TGFB2: variants seen among roughly 807,000 people sequenced by gnomAD.
TGFB2 encodes transforming growth factor beta-2 proprotein.
In TGFB2, 13 loss-of-function variants were observed where a neutral mutation model predicts 42.7. The ratio of observed to expected loss-of-function variants is 0.30; its 90% CI spans 0.20 to 0.48. The LOEUF (loss-of-function observed/expected upper bound fraction) is 0.48. TGFB2 is among the 20% of genes least tolerant of loss of function. The probability of loss-of-function intolerance (pLI) is 0.99; values close to 1 mark genes in which losing one functional copy is unlikely to be tolerated. For synonymous variants in TGFB2, 193 were observed against 193.6 expected, an observed-to-expected ratio of 1.00 and a Z score of 0.03; for missense variants, 390 against 517.5, an observed-to-expected ratio of 0.75 and a Z score of 2.39.
chr1:218,385,357 A>G (rs1218066802), intron 1 of TGFB2, among the ~76,000 whole-genome samples: 2 of 152,202 alleles, frequency 1.3e-5, no homozygotes, highest in African/African-American at 4.8e-5. Flanking sequence ...GCATTTAACA[A>G]AAGGACGTGG....
chr1:218,379,756 T>C (rs1451889647), intron 1 of TGFB2, among the ~76,000 whole-genome samples: 1 of 152,242 alleles, frequency 6.6e-6, no homozygotes, highest in Non-Finnish European at 1.5e-5. Flanking sequence ...TTAAGTCAGC[T>C]GGCTGTGATA....
At chr1:218,376,703 CTT>C (rs897527094) in intron 1 of TGFB2, among the ~76,000 whole-genome samples, 10 of 152,302 alleles carry the variant, frequency 6.6e-5, no homozygotes, top group African/African-American at 2.4e-4. Flanking sequence ...AGTAACATTG[CTT>C]TTGCTGTTAT....
chr1:218,422,530 C>T (rs1320748890), intron 2 of TGFB2, among the ~76,000 whole-genome samples: 3 of 152,134 alleles, frequency 2.0e-5, no homozygotes. Context: ...CTTGTTCTCC[C>T]TTCTAATGAA....
At chr1:218,366,660 A>G (rs2102549374) in intron 1 of TGFB2, among the ~76,000 whole-genome samples, 1 of 152,326 alleles carries the variant, frequency 6.6e-6, no homozygotes, top group Non-Finnish European at 1.5e-5. Flanking sequence ...CTCCTGGGAC[A>G]TCCATCAGAT....
In TGFB2 at chr1:218,379,626, T is replaced by C. The variant is rs569228719; in HGVS notation, c.347-25543T>C. On this transcript the variant is annotated intron_variant, in intron 1 of 6. Transcript: ENST00000366930. ...TTTGACAGGAGGTTTTATTTAAAAG[T>C]TCTGAGGTTAAATACCTGGAAGATA... 3.9e-5 allele frequency among the ~76,000 whole-genome samples: 6 copies of C among 152,200 alleles called. No individual in the cohort carries two copies. The South Asian group carries it at 1.2e-3, about 32-fold the overall frequency.
chr1:218,390,029 C>T (rs1340150720), intron 1 of TGFB2, among the ~76,000 whole-genome samples: 1 of 152,090 alleles, frequency 6.6e-6, no homozygotes, highest in Non-Finnish European at 1.5e-5. Context: ...ATATATGTAC[C>T]ACTCCACTAT....
chr1:218,429,703 A>G (rs1402495856), intron 2 of TGFB2, among the ~76,000 whole-genome samples: 3 of 152,194 alleles, frequency 2.0e-5, no homozygotes, highest in African/African-American at 7.2e-5. Flanking sequence ...TTCCTATAGG[A>G]ACTTGTCTTT....
chr1:218,403,815 G>A (rs1658812747), intron 1 of TGFB2, among the ~76,000 whole-genome samples: 1 of 152,132 alleles, frequency 6.6e-6, no homozygotes, highest in Non-Finnish European at 1.5e-5. Flanking sequence ...TCAGATAATT[G>A]AAGAGTGGGT....
chr1:218,390,389 A>G (rs970506926), intron 1 of TGFB2, among the ~76,000 whole-genome samples: 4 of 152,086 alleles, frequency 2.6e-5, no homozygotes, highest in Admixed American at 1.3e-4. Context: ...TTCCATTCTC[A>G]AAACGACTGT....
At chr1:218,390,407 A>C (rs1187603969) in intron 1 of TGFB2, among the ~76,000 whole-genome samples, 2 of 151,970 alleles carry the variant, frequency 1.3e-5, no homozygotes, top group Non-Finnish European at 2.9e-5. Flanking sequence ...TGTGCTTTCC[A>C]ATAAGTTGGG....
intron 1 of TGFB2, among the ~76,000 whole-genome samples, chr1:218,370,717 A>G (rs912585939): frequency 6.6e-6 from 1 of 152,166 alleles, no homozygotes; most frequent in African/African-American, 2.4e-5. Flanking sequence ...GCTCTGTTCC[A>G]TGAGCTCTTT....
chr1:218,441,263 C>G lies in TGFB2; in HGVS notation c.1146C>G (p.Ser382=). ...CATCTGCTTCTCCTTGCTGCGTGTCCCAAGATTTAGAACCTCTAACCATTC... is the reference window on the plus strand; with the variant it reads ...CATCTGCTTCTCCTTGCTGCGTGTCGCAAGATTTAGAACCTCTAACCATTC... ...PEASASPCCV[S]QDLEPLTILY... The change falls in exon 7 of 7, where the codon TCC becomes TCG. Residue 382 remains serine (S), a synonymous_variant. Transcript: ENST00000366930. 1 of 1,613,774 alleles carries G rather than the reference C, an allele frequency of 6.2e-7. No homozygotes were observed. The highest frequency in any genetic ancestry group is 2.2e-5 in the East Asian group (1 of 44,856).
intron 2 of TGFB2, among the ~76,000 whole-genome samples, chr1:218,406,997 T>A (rs1189057112): frequency 6.6e-6 from 1 of 152,226 alleles, no homozygotes; most frequent in African/African-American, 2.4e-5. Context: ...ATAATTAGGA[T>A]CAAAATTTTC....
intron 1 of TGFB2, among the ~76,000 whole-genome samples, chr1:218,365,370 G>A (rs1009482197): frequency 1.3e-5 from 2 of 152,050 alleles, no homozygotes; most frequent in Non-Finnish European, 2.9e-5. Context: ...CTGGTTCTTC[G>A]GGCGGTTTTT....
At chr1:218,366,293 G>A (rs1177010451) in intron 1 of TGFB2, among the ~76,000 whole-genome samples, 1 of 151,998 alleles carries the variant, frequency 6.6e-6, no homozygotes, top group Non-Finnish European at 1.5e-5. Context: ...ATTTAAAGGT[G>A]GTATTTCTCT....
chr1:218,439,107 CAA>C (rs5781035), intron 6 of TGFB2, among the ~76,000 whole-genome samples: 30,084 of 104,000 alleles, frequency 0.29, 2,926 homozygotes, highest in East Asian at 0.53. Context: ...GATCCTGTCT[CAA>C]AAAAAAAAAA....
At chr1:218,409,665 GA>G (rs11284588) in intron 2 of TGFB2, among the ~76,000 whole-genome samples, 33,219 of 148,692 alleles carry the variant, frequency 0.22, 3,831 homozygotes, top group African/African-American at 0.28. Context: ...TATTATTTTG[GA>G]AAAAAAAAAC....
intron 1 of TGFB2, among the ~76,000 whole-genome samples, chr1:218,353,972 CTTAT>C (rs909728203): frequency 1.3e-5 from 2 of 152,160 alleles, no homozygotes; most frequent in African/African-American, 4.8e-5. Flanking sequence ...TTGTCCTAGT[CTTAT>C]TTAATTAGCT....
chr1:218,438,251 A>C (rs1358617134), intron 6 of TGFB2, among the ~76,000 whole-genome samples: 1 of 152,162 alleles, frequency 6.6e-6, no homozygotes, highest in Non-Finnish European at 1.5e-5. Flanking sequence ...AATATGTCAC[A>C]TAGTATCATA....
Sources: allele counts gnomAD v4.1 joint callset (sites outside exome capture counted in the v4.1 genomes callset), GRCh38; gene constraint gnomAD v4.1.1; transcripts MANE v1.5; gene names NCBI Gene and HGNC (gene_info 2026-07-23, HGNC 2026-07-21).